PER3: variants seen among roughly 807,000 people sequenced by gnomAD.
PER3 encodes period circadian regulator 3.
In PER3, 107 loss-of-function variants were observed where a neutral mutation model predicts 127.2. The observed-to-expected ratio is 0.84, with a 90% CI of 0.72 to 0.99. The LOEUF (loss-of-function observed/expected upper bound fraction) is 0.99. Ranked by LOEUF, PER3 falls within the 50% of genes least tolerant of loss-of-function variation. PER3 has a pLI of 0.00. For synonymous variants in PER3, 618 were observed against 585.8 expected, an observed-to-expected ratio of 1.05 and a Z score of -0.79; for missense variants, 1,560 against 1,525.8, an observed-to-expected ratio of 1.02 and a Z score of -0.37.
At chr1:7,821,408 A>T (rs2097275783) in intron 16 of PER3, among the ~76,000 whole-genome samples, 1 of 152,224 alleles carries the variant, frequency 6.6e-6, no homozygotes, top group Non-Finnish European at 1.5e-5. Context: ...TACTGACAGG[A>T]GATCTGTGGA....
intron 2 of PER3, 124 bp downstream of exon 2, chr1:7,785,129 A>T: frequency 9.6e-7 from 1 of 1,045,026 alleles, no homozygotes. Flanking sequence ...TAAAGGGGAG[A>T]CTCGGGCAAT....
intron 16 of PER3, among the ~76,000 whole-genome samples, chr1:7,825,660 G>A (rs2097298111): frequency 6.6e-6 from 1 of 152,212 alleles, no homozygotes; most frequent in African/African-American, 2.4e-5. Context: ...GGGAGTCCAA[G>A]GCAGATGGAT....
At position 7,801,980 on chromosome 1, in the gene PER3, G is replaced by GTCAC. The variant is rs369733715; in HGVS notation, c.872+790_872+791insCACT. Among the ~76,000 whole-genome samples, 1,288 of 152,278 alleles carry GTCAC rather than the reference G, an allele frequency of 8.5e-3. 11 individuals are homozygous for GTCAC. Among genetic ancestry groups the GTCAC allele is most frequent in the African/African-American group, 0.029 (1,194 of 41,532 alleles). ...AAAAATTTAACATCTGAAAATCAGT[G>GTCAC]TATTTGATAATGTCTACCCTGAAAC... On this transcript the variant is annotated intron_variant, in intron 8 of 21. Transcript: ENST00000377532.
chr1:7,839,998 C>T (rs1018453849), intron 21 of PER3, among the ~76,000 whole-genome samples: 1 of 152,098 alleles, frequency 6.6e-6, no homozygotes, highest in Non-Finnish European at 1.5e-5. Flanking sequence ...CTCTGGGGCC[C>T]CTGTAGTGCT....
rs753356401 is a variant in PER3 at position 7,825,486 on chromosome 1, A to C, written c.1958-994A>C. Among the ~76,000 whole-genome samples the C allele has an allele frequency of 3.9e-5, 6 of 152,222 alleles. 1 individual carries two copies. The highest frequency in any genetic ancestry group is 8.8e-5 in the Non-Finnish European group (6 of 68,034). ...GTCTAGCCACTGATAAAGTTCTCCA[A>C]GGGATATGGTAAAGTGAAAAAGGTG... is the stretch of plus-strand genomic sequence containing the variant. On this transcript the variant is annotated intron_variant, in intron 16 of 21. Coordinates refer to ENST00000377532, the MANE Select transcript of PER3 (RefSeq NM_001377275.1).
In PER3 at chr1:7,826,443, T is replaced by C. The variant is rs778767000; in HGVS notation, c.1958-37T>C. 15 of 1,099,530 alleles carry C rather than the reference T, an allele frequency of 1.4e-5. No individual in the cohort carries two copies. The highest frequency in any genetic ancestry group is 2.0e-4 in the Middle Eastern group (1 of 5,080). The allele number at this position is 1,099,530 out of a possible 1,614,324, so 68.1% of individuals were successfully genotyped here. ...AAGTAAAATAAATACAAATAATTGA[T>C]AGGAATTAAAATTAAATATGTCTTC... On this transcript the variant is annotated intron_variant, in intron 16 of 21. Coordinates refer to ENST00000377532, the MANE Select transcript of PER3 (RefSeq NM_001377275.1). The surrounding 1 kb of genome is among the most constrained non-coding windows in gnomAD (Gnocchi z 4.2).
chr1:7,785,342 AGC>A, intron 2 of PER3, 97 bp from the exon 3 acceptor site: 1 of 905,418 alleles, frequency 1.1e-6, no homozygotes, highest in Non-Finnish European at 1.8e-6. Flanking sequence ...ATGCCGGTAG[AGC>A]ACTTAGAAAC....
At chr1:7,788,898 G>A (rs1376864527) in intron 5 of PER3, among the ~76,000 whole-genome samples, 2 of 99,930 alleles carry the variant, frequency 2.0e-5, no homozygotes, top group African/African-American at 7.2e-5. Flanking sequence ...GCGTGAAACT[G>A]TTTCTGGGGA....
At chr1:7,817,996 A>T (rs10746473) in intron 13 of PER3, among the ~76,000 whole-genome samples, 1 of 151,980 alleles carries the variant, frequency 6.6e-6, no homozygotes, top group South Asian at 2.1e-4. Context: ...GATGATGCAC[A>T]AGGAAGGACA....
At position 7,827,516 on chromosome 1, in the gene PER3, C is replaced by G. The variant is rs755393701; in HGVS notation, c.2587C>G (p.Pro863Ala). 2 of 1,614,198 alleles carry G rather than the reference C, an allele frequency of 1.2e-6. No individual in the cohort carries two copies. Among genetic ancestry groups the G allele is most frequent in the Non-Finnish European group, 1.7e-6 (2 of 1,180,042 alleles). ...TTTTATGACCGTTTTCCTGCCTGAC[C>G]CCCCTGTCTGTCCTCTGTTGTCGCC... Reference protein sequence around the residue: ...DTFMTVFLPDPPVCPLLSPSF... With the variant: ...DTFMTVFLPDAPVCPLLSPSF... The change falls in exon 18 of 22, where the codon CCC becomes GCC. Residue 863 changes from proline to alanine, a missense_variant. Coordinates refer to ENST00000377532, the MANE Select transcript of PER3 (RefSeq NM_001377275.1).
In PER3 at chr1:7,830,164, A is replaced by G. The variant is rs771205275; in HGVS notation, c.3214+3A>G. 23 of 1,612,020 alleles carry G rather than the reference A, an allele frequency of 1.4e-5. No individual in the cohort carries two copies. The East Asian group carries it at 4.7e-4, about 33-fold the overall frequency. On this transcript the variant is annotated splice_donor_region_variant and intron_variant, in intron 19 of 21. Coordinates refer to ENST00000377532, the MANE Select transcript of PER3 (RefSeq NM_001377275.1). ...CAGAACTGGTTCAGCAGCATCAGGT[A>G]GTGGATCAGGACAACTAATGTTTCA...
chr1:7,825,342 T>C (rs1437573885), intron 16 of PER3, among the ~76,000 whole-genome samples: 3 of 152,254 alleles, frequency 2.0e-5, no homozygotes, highest in Non-Finnish European at 4.4e-5. Flanking sequence ...ACAACTATTA[T>C]ATATCAATAA....
chr1:7,815,200 A>T (rs1461968855), intron 13 of PER3, among the ~76,000 whole-genome samples: 1 of 152,242 alleles, frequency 6.6e-6, no homozygotes, highest in Non-Finnish European at 1.5e-5. Context: ...CAACATCAGC[A>T]ATCACTAATG....
At chr1:7,793,752 G>C (rs184290662) in intron 5 of PER3, among the ~76,000 whole-genome samples, 1 of 151,978 alleles carries the variant, frequency 6.6e-6, no homozygotes, top group Non-Finnish European at 1.5e-5. Flanking sequence ...TGAGGTTCAC[G>C]GTTCCAGTAC....
chr1:7,809,754 T>TA (rs1441075363), intron 11 of PER3, 139 bp from the exon 12 acceptor site: 2 of 766,494 alleles, frequency 2.6e-6, no homozygotes, highest in Non-Finnish European at 4.1e-6. Flanking sequence ...GCATCAGCAT[T>TA]AAAAGTACCA....
chr1:7,809,850 G>C, intron 11 of PER3, 43 bp from the exon 12 acceptor site: 2 of 1,595,226 alleles, frequency 1.3e-6, no homozygotes, highest in Non-Finnish European at 1.7e-6. Context: ...GGCTGCATTT[G>C]AACAGCCAGC....
In PER3 at chr1:7,826,508, C is replaced by T. The variant is rs375790495; in HGVS notation, c.1986C>T (p.Pro662=). 6.8e-6 allele frequency: 11 copies of T among 1,613,200 alleles called. No individual in the cohort carries two copies. In the African/African-American group the frequency reaches 1.2e-4, roughly 18 times the overall value. ...GGGATGCTACCCTCTTCTGTGAGCC[C>T]TGGACCCTGAACATGCAGCCAGCCC... ...TARDATLFCE[P]WTLNMQPAPL... Residue 662 remains proline (P), a synonymous_variant, in exon 17 of 22, where the codon CCC becomes CCT. Coordinates refer to ENST00000377532, the MANE Select transcript of PER3 (RefSeq NM_001377275.1). The surrounding 1 kb of genome is among the most constrained non-coding windows in gnomAD (Gnocchi z 4.2).
chr1:7,794,114 C>A, intron 6 of PER3, 106 bp downstream of exon 6: 1 of 921,338 alleles, frequency 1.1e-6, no homozygotes, highest in Non-Finnish European at 1.8e-6. Flanking sequence ...TTGCGAGATA[C>A]AAAAAATAAG....
intron 18 of PER3, among the ~76,000 whole-genome samples, chr1:7,828,155 A>G (rs2859388): frequency 0.44 from 66,267 of 152,044 alleles, 15,554 homozygotes; most frequent in East Asian, 0.79. Context: ...TATAACACGT[A>G]TTTGTTTACT....
Sources: allele counts gnomAD v4.1 joint callset (sites outside exome capture counted in the v4.1 genomes callset), GRCh38; gene constraint gnomAD v4.1.1; non-coding constraint Gnocchi (gnomAD v3.1); transcripts MANE v1.5; gene names NCBI Gene and HGNC (gene_info 2026-07-23, HGNC 2026-07-21).